Variants in SPX observed in about 807,000 individuals in gnomAD.
The protein encoded by SPX is spexin hormone, also known as spexin.
In SPX, 22 loss-of-function variants were observed where a neutral mutation model predicts 19.2. That is an observed-to-expected ratio of 1.15 (90% CI 0.82 to 1.64). The LOEUF is 1.64. Ranked by LOEUF, SPX falls within the 40% of genes most tolerant of loss-of-function variation. SPX has a pLI of 0.00. For missense variants in SPX, 143 were observed against 137.7 expected (o/e 1.04, Z -0.19); for synonymous variants, 50 against 53.3 (o/e 0.94, Z 0.27).
rs191066685 is a variant in SPX at position 21,530,498 on chromosome 12, C to T, written c.293-639C>T. Among the ~76,000 whole-genome samples the T allele has an allele frequency of 1.2e-3, 175 of 152,164 alleles. 1 individual carries two copies. Among genetic ancestry groups the T allele is most frequent in the East Asian group, 3.9e-4 (2 of 5,190 alleles). The stretch of plus-strand genomic sequence containing the variant: ...AAGAAATTAGTAGATGCACTTTGCC[C>T]CTGGCCACTGCTTCTCCCTACCGTA... On this transcript the variant is annotated intron_variant, in intron 5 of 5. Coordinates refer to ENST00000256969, the MANE Select transcript of SPX (RefSeq NM_030572.4).
chr12:21,528,074 G>A, intron 4 of SPX: 1 of 420,334 alleles, frequency 2.4e-6, no homozygotes, highest in Admixed American at 3.9e-5. Flanking sequence ...TTGGCTTGCG[G>A]CTGTTCAGCC....
intron 5 of SPX, among the ~76,000 whole-genome samples, chr12:21,530,449 G>A (rs1943853796): frequency 6.6e-6 from 1 of 152,158 alleles, no homozygotes; most frequent in Non-Finnish European, 1.5e-5. Context: ...GAAAGAATGT[G>A]CTTTTATCTA....
chr12:21,526,989 A>AT lies in SPX; in HGVS notation c.87+27dup, dbSNP rs562680895. 7 of 1,609,644 alleles carry AT rather than the reference A, an allele frequency of 4.3e-6. No individual in the cohort carries two copies. In the Admixed American group the frequency reaches 1.2e-4, roughly 27 times the overall value. On this transcript the variant is annotated intron_variant, in intron 2 of 5. Coordinates refer to ENST00000256969, the MANE Select transcript of SPX (RefSeq NM_030572.4). ...CAGGTAATCAAATGCAAAATAAAAA[A>AT]TTTTAAAACAATGCGCACTGTGTGT...
chr12:21,528,449 T>C (rs1001910432), intron 4 of SPX, among the ~76,000 whole-genome samples: 4 of 152,206 alleles, frequency 2.6e-5, no homozygotes, highest in Admixed American at 1.3e-4. Flanking sequence ...AAGATTGAAA[T>C]GCTAAAATTA....
At position 21,527,188 on chromosome 12, in the gene SPX, G is replaced by T. The variant is rs751718162; in HGVS notation, c.141G>T (p.Gly47=). 5.6e-6 allele frequency: 9 copies of T among 1,613,698 alleles called. No individual in the cohort carries two copies. The highest frequency in any genetic ancestry group is 7.6e-6 in the Non-Finnish European group (9 of 1,179,746). ...CTCAAGCTATGCTCTACCTGAAAGG[G>T]GCACGTAAGTTCCAAATATTTCGCT... is the stretch of plus-strand genomic sequence containing the variant. ...WTPQAMLYLK[G]AQGRRFISDQ... Residue 47 remains glycine, a synonymous_variant, in exon 3 of 6, where the codon GGG becomes GGT. Transcript: ENST00000256969.
At position 21,526,908 on chromosome 12, in the gene SPX, C is replaced by A. The variant is rs1388366611; in HGVS notation, c.29C>A (p.Thr10Lys). 2 of 1,614,246 alleles carry A rather than the reference C, an allele frequency of 1.2e-6. No homozygotes were observed. Among genetic ancestry groups the A allele is most frequent in the South Asian group, 1.1e-5 (1 of 91,084 alleles). Residue 10 changes from threonine (T) to lysine (K), a missense_variant, in exon 2 of 6, where the codon ACA becomes AAA. Coordinates refer to ENST00000256969, the MANE Select transcript of SPX (RefSeq NM_030572.4). The part of the protein sequence containing the change: MKGLRSLAA[T>K]TLALFLVFVF... The stretch of plus-strand genomic sequence containing the variant: ...TAGGGACTCAGAAGTCTGGCAGCAA[C>A]AACCTTGGCTCTTTTCCTGGTGTTT...
intron 4 of SPX, 97 bp downstream of exon 4, chr12:21,527,886 TC>T: frequency 7.2e-7 from 1 of 1,392,540 alleles, no homozygotes; most frequent in Non-Finnish European, 9.8e-7. Flanking sequence ...AGAAAGCGTC[TC>T]CTCACCGGAA....
At chr12:21,529,830 C>A (rs1943846904) in intron 5 of SPX, among the ~76,000 whole-genome samples, 1 of 152,162 alleles carries the variant, frequency 6.6e-6, no homozygotes, top group Admixed American at 6.5e-5. Context: ...GATGCTGTAT[C>A]CAAGGTGTTC....
Position 21,526,934 on chromosome 12 carries a change from G to A in SPX, c.55G>A (p.Val19Ile), listed in dbSNP as rs757280758. The A allele has an allele frequency of 1.1e-5, 17 of 1,614,082 alleles. No individual in the cohort carries two copies. In the South Asian group the frequency reaches 1.8e-4, roughly 17 times the overall value. ...ATTLALFLVF[V>I]FLGNSSCAPQ... ...AACCTTGGCTCTTTTCCTGGTGTTT[G>A]TTTTCCTGGGAAACTCCAGCTGCGC... Residue 19 changes from valine to isoleucine, a missense_variant, in exon 2 of 6, where the codon GTT becomes ATT. Physicochemically the swap from Val to Ile is conservative, Grantham distance 29 (BLOSUM62 3). Coordinates refer to ENST00000256969, the MANE Select transcript of SPX (RefSeq NM_030572.4).
Position 21,531,319 on chromosome 12 carries a change from C to CCTG in SPX, c.*124_*125insCTG. 1.5e-6 allele frequency: 1 copy of CCTG among 662,256 alleles called. No homozygotes were observed. The highest frequency in any genetic ancestry group is 2.4e-6 in the Non-Finnish European group (1 of 412,950). The allele number at this position is 662,256 out of a possible 1,614,324, so 41.0% of individuals were successfully genotyped here. A position where few individuals can be genotyped will look rare whatever the true frequency, so the allele number is the denominator to read the frequency against. On this transcript the variant is annotated 3_prime_UTR_variant, in exon 6 of 6. Transcript: ENST00000256969. ...AAGAACACACACAGATAGTTTTATTCTTTCAGAAACAAAATATATATAGGA... is the reference window on the plus strand; with the variant it reads ...AAGAACACACACAGATAGTTTTATTCCTGTTTCAGAAACAAAATATATATAGGA...
At position 21,529,092 on chromosome 12, in the gene SPX, C is replaced by G. The variant is rs775514050; in HGVS notation, c.292+8C>G. 1.9e-6 allele frequency: 3 copies of G among 1,610,730 alleles called. No individual in the cohort carries two copies. The South Asian group carries it at 3.3e-5, about 18-fold the overall frequency. On this transcript the variant is annotated splice_region_variant and intron_variant, in intron 5 of 5. Transcript: ENST00000256969. The stretch of plus-strand genomic sequence containing the variant: ...TTCAGAAATCACCAGAAGGTACTAG[C>G]ATAGTGGCCTCTTTCACCTGCATAA...
At chr12:21,527,874 A>T in intron 4 of SPX, 85 bp downstream of exon 4, 1 of 1,440,536 alleles carries the variant, frequency 6.9e-7, no homozygotes, top group Non-Finnish European at 9.5e-7. Context: ...GCTGGTGCCG[A>T]AAGAAAGCGT....
Position 21,526,800 on chromosome 12 carries a change from G to C in SPX, c.7-86G>C, listed in dbSNP as rs1234209524. On this transcript the variant is annotated intron_variant, in intron 1 of 5. Transcript: ENST00000256969. ...ACAGAATATTGCGAGAAGTAAGGGG[G>C]TTTATAATTGTCCAGGCGTCAAGGA... 5 of 1,281,272 alleles carry C rather than the reference G, an allele frequency of 3.9e-6. No homozygotes were observed. The African/African-American group carries it at 7.4e-5, about 19-fold the overall frequency. The allele number at this position is 1,281,272 out of a possible 1,614,324, so 79.4% of individuals were successfully genotyped here.
intron 1 of SPX, 72 bp downstream of exon 1, chr12:21,526,550 T>C: frequency 7.2e-7 from 1 of 1,391,140 alleles, no homozygotes. Flanking sequence ...TTTACCTATT[T>C]CATGTTTAAT....
Position 21,531,363 on chromosome 12 carries a change from ATCT to A in SPX, c.*173_*175del. On this transcript the variant is annotated 3_prime_UTR_variant, in exon 6 of 6. Transcript: ENST00000256969. The stretch of plus-strand genomic sequence containing the variant: ...TATAGGATGCTTAGCTGAGAACATC[ATCT>A]TCTTTCATTGCTTCAGGTCCTGTTT... 2.0e-6 allele frequency: 1 copy of A among 500,424 alleles called. No homozygotes were observed. The highest frequency in any genetic ancestry group is 3.5e-6 in the Non-Finnish European group (1 of 289,510). 31.0% of individuals were successfully genotyped at this position (500,424 alleles called of 1,614,324 possible).
At chr12:21,529,230 A>C (rs1035413012) in intron 5 of SPX, 146 bp downstream of exon 5, 3 of 697,958 alleles carry the variant, frequency 4.3e-6, no homozygotes, top group Non-Finnish European at 7.3e-6. Context: ...AGTGAGGCCC[A>C]AGAATCTCTG....
chr12:21,529,226 G>A (rs1565586922), intron 5 of SPX, 142 bp downstream of exon 5: 2 of 708,780 alleles, frequency 2.8e-6, no homozygotes, highest in Middle Eastern at 2.6e-4. Context: ...CTTGAGTGAG[G>A]CCCAAGAATC....
intron 4 of SPX, among the ~76,000 whole-genome samples, chr12:21,528,422 A>C (rs898159683): frequency 2.0e-5 from 3 of 152,232 alleles, no homozygotes; most frequent in Non-Finnish European, 4.4e-5. Context: ...ATAACAATAC[A>C]ATTTGATGAA....
chr12:21,532,179 C>A lies in SPX; in HGVS notation c.*984C>A, dbSNP rs1192808736. 1.3e-5 allele frequency: 2 copies of A among 152,158 alleles called. No homozygotes were observed. The highest frequency in any genetic ancestry group is 2.9e-5 in the Non-Finnish European group (2 of 68,002). The allele number at this position is 152,158 out of a possible 1,614,324, so 9.4% of individuals were successfully genotyped here. On this transcript the variant is annotated 3_prime_UTR_variant, in exon 6 of 6. Coordinates refer to ENST00000256969, the MANE Select transcript of SPX (RefSeq NM_030572.4). The stretch of plus-strand genomic sequence containing the variant: ...ACCCACACACGCATACACACATACT[C>A]CTGTGGCAAACATAATAATGTATTT...
Sources: gnomAD v4.1 joint callset for allele counts (sites outside exome capture counted in the v4.1 genomes callset) on GRCh38, gnomAD v4.1.1 for gene constraint, MANE v1.5 for transcripts, NCBI Gene and HGNC (gene_info 2026-07-23, HGNC 2026-07-21) for gene names.